Variants in CLIP1 observed in about 807,000 individuals in gnomAD.
The protein encoded by CLIP1 is CAP-Gly domain containing linker protein 1, also known as CAP-Gly domain-containing linker protein 1.
In CLIP1, 66 loss-of-function variants were observed where a neutral mutation model predicts 161.6. The ratio of observed to expected loss-of-function variants is 0.41; its 90% CI spans 0.33 to 0.50. The LOEUF (loss-of-function observed/expected upper bound fraction) is 0.50, where lower values mean the gene tolerates loss of function less well. Ranked by LOEUF, CLIP1 falls within the 20% of genes least tolerant of loss-of-function variation. CLIP1 has a pLI of 0.27. For missense variants in CLIP1, 1,376 were observed against 1,702.0 expected (o/e 0.81, Z 3.37); for synonymous variants, 598 against 626.2 (o/e 0.96, Z 0.67).
At chr12:122,289,861 T>C (rs1413634528) in intron 20 of CLIP1, among the ~76,000 whole-genome samples, 4 of 150,980 alleles carry the variant, frequency 2.6e-5, no homozygotes, top group South Asian at 4.2e-4. Flanking sequence ...CCAGCTGGAG[T>C]GCAGTGGTGC....
At chr12:122,397,712 C>T (rs1189535862) in intron 1 of CLIP1, among the ~76,000 whole-genome samples, 1 of 151,900 alleles carries the variant, frequency 6.6e-6, no homozygotes. Flanking sequence ...AATCCCAGCA[C>T]TTTGGGAGGC....
chr12:122,378,547 AAAAT>A (rs1954853603), intron 2 of CLIP1, among the ~76,000 whole-genome samples: 1 of 152,214 alleles, frequency 6.6e-6, no homozygotes, highest in South Asian at 2.1e-4. Context: ...AAGTAAGAAA[AAAAT>A]AAAATCAGTC....
intron 20 of CLIP1, among the ~76,000 whole-genome samples, chr12:122,300,723 T>C (rs1392176295): frequency 6.6e-6 from 1 of 152,204 alleles, no homozygotes; most frequent in African/African-American, 2.4e-5. Context: ...CTCTGTGATA[T>C]AAAAGATGAA....
rs1277295628 is a variant in CLIP1, at chr12:122,279,338, A to G, written c.3648-193T>C. On this transcript the variant is annotated intron_variant, in intron 21 of 25. Transcript: ENST00000620786. The surrounding 1 kb of genome is among the most constrained non-coding windows in gnomAD (Gnocchi z 4.5). The stretch of plus-strand genomic sequence containing the variant: ...AATTTTACTTACTGTGAGGGGAGAA[A>G]AAGTTTACCTATGCATAGACATGCC... 1 of 393,998 alleles carries G rather than the reference A, an allele frequency of 2.5e-6. No homozygotes were observed. The highest frequency in any genetic ancestry group is 2.1e-5 in the African/African-American group (1 of 47,854). The allele number at this position is 393,998 out of a possible 1,614,324, so 24.4% of individuals were successfully genotyped here. A position where few individuals can be genotyped will look rare whatever the true frequency, so the allele number is the denominator to read the frequency against.
At chr12:122,378,046 C>A in intron 2 of CLIP1, 86 bp from the exon 3 acceptor site, 6 of 1,165,644 alleles carry the variant, frequency 5.1e-6, no homozygotes, top group Non-Finnish European at 3.7e-6. Flanking sequence ...AAGCCAACAG[C>A]CCACAGGAGT....
chr12:122,383,068 G>A (rs1434855910), intron 1 of CLIP1, among the ~76,000 whole-genome samples: 1 of 152,140 alleles, frequency 6.6e-6, no homozygotes, highest in Non-Finnish European at 1.5e-5. Context: ...AGCCAACAAC[G>A]ACCATGTCTA....
chr12:122,387,169 G>A (rs1955311212), intron 1 of CLIP1, among the ~76,000 whole-genome samples: 1 of 152,112 alleles, frequency 6.6e-6, no homozygotes, highest in Non-Finnish European at 1.5e-5. Flanking sequence ...TGGGATTACA[G>A]GCGTGCACCA....
Position 122,271,561 on chromosome 12 carries a change from A to C in CLIP1, c.*1314T>G, listed in dbSNP as rs1955186061. ...ATAACCAAAAATTTCAACTGGTACCAGATTGAATATTCACTGTCGAACACA... is the reference window on the plus strand; with the variant it reads ...ATAACCAAAAATTTCAACTGGTACCCGATTGAATATTCACTGTCGAACACA... On this transcript the variant is annotated 3_prime_UTR_variant, in exon 26 of 26. Transcript: ENST00000620786. 1 of 152,692 alleles carries C rather than the reference A, an allele frequency of 6.5e-6. No individual in the cohort carries two copies. The highest frequency in any genetic ancestry group is 6.5e-5 in the Admixed American group (1 of 15,286). 9.5% of individuals were successfully genotyped at this position (152,692 alleles called of 1,614,324 possible).
At chr12:122,373,563 T>C (rs1323818156) in intron 3 of CLIP1, among the ~76,000 whole-genome samples, 1 of 151,574 alleles carries the variant, frequency 6.6e-6, no homozygotes, top group Non-Finnish European at 1.5e-5. Flanking sequence ...ACTTGTATAC[T>C]GTTTGTGGAA....
At chr12:122,337,876 G>A (rs540526214) in intron 11 of CLIP1, among the ~76,000 whole-genome samples, 13 of 151,992 alleles carry the variant, frequency 8.6e-5, no homozygotes, top group African/African-American at 2.4e-4. Context: ...TTAGCCAGGC[G>A]TGGTGGCACG....
rs557646436 is a variant in CLIP1 at position 122,400,227 on chromosome 12, T to C, written c.-106-19669A>G. Reference sequence around the variant, plus strand: ...TCCACTTCATTCACATTCATATTTCTGTATATACAGAAGAGACTGAAAAAG... The same window carrying C: ...TCCACTTCATTCACATTCATATTTCCGTATATACAGAAGAGACTGAAAAAG... On this transcript the variant is annotated intron_variant, in intron 1 of 25. Coordinates refer to ENST00000620786, the MANE Select transcript of CLIP1 (RefSeq NM_001247997.2). The C allele has an allele frequency of 3.3e-5, 5 of 152,270 alleles. No individual in the cohort carries two copies. In the South Asian group the frequency reaches 8.3e-4, roughly 25 times the overall value. 9.4% of individuals were successfully genotyped at this position (152,270 alleles called of 1,614,324 possible). A position where few individuals can be genotyped will look rare whatever the true frequency, so the allele number is the denominator to read the frequency against.
chr12:122,375,953 G>A (rs1017579343), intron 3 of CLIP1, among the ~76,000 whole-genome samples: 2 of 150,890 alleles, frequency 1.3e-5, no homozygotes, highest in Non-Finnish European at 3.0e-5. Flanking sequence ...TTTTAATTTT[G>A]TTTTATATGG....
chr12:122,290,994 G>A (rs1950227598), intron 20 of CLIP1, among the ~76,000 whole-genome samples: 1 of 151,298 alleles, frequency 6.6e-6, no homozygotes, highest in African/African-American at 2.4e-5. Context: ...CTGGGTTAAT[G>A]TGATTCTCCT....
chr12:122,370,957 CAAAAAAAAAAAAGA>C (rs981175270), intron 3 of CLIP1, among the ~76,000 whole-genome samples: 2 of 67,552 alleles, frequency 3.0e-5, no homozygotes, highest in African/African-American at 1.3e-4. Flanking sequence ...GACTCTGTCT[CAAAAAAAAAAAAGA>C]AAAAAAAAAA....
chr12:122,385,920 A>G (rs961043321), intron 1 of CLIP1, among the ~76,000 whole-genome samples: 8 of 152,170 alleles, frequency 5.3e-5, no homozygotes, highest in African/African-American at 1.9e-4. Context: ...GGCTGGTGAT[A>G]GACAAGTTTC....
intron 5 of CLIP1, among the ~76,000 whole-genome samples, chr12:122,357,782 G>A (rs982729637): frequency 3.4e-5 from 5 of 145,720 alleles, no homozygotes; most frequent in African/African-American, 1.3e-4. Flanking sequence ...GAGCCCCTCT[G>A]CCCGGCTAGC....
At position 122,380,104 on chromosome 12, in the gene CLIP1, G is replaced by A. The variant is rs369620404; in HGVS notation, c.85+264C>T. Among the ~76,000 whole-genome samples the A allele has an allele frequency of 8.0e-5, 12 of 149,762 alleles. No individual in the cohort carries two copies. In the South Asian group the frequency reaches 2.1e-3, roughly 27 times the overall value. On this transcript the variant is annotated intron_variant, in intron 2 of 25. Coordinates refer to ENST00000620786, the MANE Select transcript of CLIP1 (RefSeq NM_001247997.2). ...CTAATAATACAAAAATTAGCTGAGC[G>A]TGGTAGTATGCGCCTATATTCCCAG...
rs567582591 is a variant in CLIP1, at chr12:122,352,580, C to G, written c.1368+146G>C. The G allele has an allele frequency of 2.3e-5, 16 of 685,720 alleles. 1 individual carries two copies. The South Asian group carries it at 2.6e-4, about 11-fold the overall frequency. The allele number at this position is 685,720 out of a possible 1,614,324, so 42.5% of individuals were successfully genotyped here. Reference sequence around the variant, plus strand: ...CACTCACAGGCTCAAGTACCGGCACCGTCACCACAAAGCCACCCCCAGAAC... The same window carrying G: ...CACTCACAGGCTCAAGTACCGGCACGGTCACCACAAAGCCACCCCCAGAAC... On this transcript the variant is annotated intron_variant, in intron 8 of 25. Coordinates refer to ENST00000620786, the MANE Select transcript of CLIP1 (RefSeq NM_001247997.2).
intron 1 of CLIP1, among the ~76,000 whole-genome samples, chr12:122,391,201 A>G (rs1955645370): frequency 6.6e-6 from 1 of 151,686 alleles, no homozygotes; most frequent in Non-Finnish European, 1.5e-5. Flanking sequence ...GGCAGGAGGA[A>G]TGCTTGAATC....
Sources: gnomAD v4.1 joint callset for allele counts (sites outside exome capture counted in the v4.1 genomes callset) on GRCh38, gnomAD v4.1.1 for gene constraint, Gnocchi (gnomAD v3.1) non-coding constraint, MANE v1.5 for transcripts, NCBI Gene and HGNC (gene_info 2026-07-23, HGNC 2026-07-21) for gene names.